The following SUGCT variants were observed in gnomAD, a reference collection of about 807,000 sequenced individuals.
The protein encoded by SUGCT is succinyl-CoA:glutarate CoA-transferase.
SUGCT carries 41 observed loss-of-function variants against 55.0 expected under a neutral mutation model. That is an observed-to-expected ratio of 0.74 (90% confidence interval 0.58 to 0.97). SUGCT has a LOEUF of 0.97. Among genes scored for constraint, SUGCT ranks in the 50% least tolerant of loss-of-function variants. The pLI, the probability that SUGCT is intolerant of heterozygous loss-of-function variation, is 0.00. For missense variants in SUGCT, 568 were observed against 547.8 expected (o/e 1.04, Z -0.37); for synonymous variants, 187 against 200.4 (o/e 0.93, Z 0.56).
chr7:40,541,034 G>A (rs1264704075), intron 12 of SUGCT, among the ~76,000 whole-genome samples: 1 of 152,136 alleles, frequency 6.6e-6, no homozygotes, highest in Non-Finnish European at 1.5e-5. Flanking sequence ...GTGCAAAAAT[G>A]AAGGAAAAAT....
the SUGCT span, among the ~76,000 whole-genome samples, chr7:41,011,181 C>T: frequency 1.6e-4 from 25 of 152,230 alleles, no homozygotes; most frequent in Non-Finnish European, 2.5e-4. Context: ...GTGGAATTCC[C>T]TCTGGAGAGG....
At chr7:40,802,360 T>C (rs1563013965) in intron 13 of SUGCT, among the ~76,000 whole-genome samples, 1 of 151,956 alleles carries the variant, frequency 6.6e-6, no homozygotes, top group Non-Finnish European at 1.5e-5. Flanking sequence ...CACCTTCAAG[T>C]TGTCTTCTTG....
chr7:41,030,582 A>G, the SUGCT span, among the ~76,000 whole-genome samples: 61 of 152,204 alleles, frequency 4.0e-4, no homozygotes, highest in African/African-American at 1.4e-3. Context: ...AAATTTTAAG[A>G]TTAGATTTCC....
intron 12 of SUGCT, among the ~76,000 whole-genome samples, chr7:40,620,647 T>C (rs924026909): frequency 7.2e-5 from 11 of 152,004 alleles, no homozygotes; most frequent in African/African-American, 2.7e-4. Flanking sequence ...AGGTGATCCA[T>C]CCACCTGAGC....
intron 12 of SUGCT, among the ~76,000 whole-genome samples, chr7:40,615,616 C>G (rs544694832): frequency 1.3e-5 from 2 of 152,250 alleles, no homozygotes; most frequent in South Asian, 4.1e-4. Flanking sequence ...ATCTGCTGTT[C>G]AGTGGAGAAG....
chr7:40,308,343 A>G (rs928778677), intron 8 of SUGCT, among the ~76,000 whole-genome samples: 1 of 152,146 alleles, frequency 6.6e-6, no homozygotes, highest in African/African-American at 2.4e-5. Flanking sequence ...TTCGTCAACT[A>G]TGAGACCTAG....
chr7:40,307,075 G>C (rs1290575939), intron 8 of SUGCT, among the ~76,000 whole-genome samples: 1 of 152,152 alleles, frequency 6.6e-6, no homozygotes, highest in Admixed American at 6.5e-5. Flanking sequence ...CTTTCATTAA[G>C]TTAAAAAATG....
At chr7:40,984,700 A>G in the SUGCT span, among the ~76,000 whole-genome samples, 1 of 152,216 alleles carries the variant, frequency 6.6e-6, no homozygotes, top group Admixed American at 6.5e-5. Context: ...TTACAATGGC[A>G]TTGAGTGTGT....
chr7:40,917,787 T>C, the SUGCT span, among the ~76,000 whole-genome samples: 1 of 152,118 alleles, frequency 6.6e-6, no homozygotes, highest in African/African-American at 2.4e-5. Context: ...CCTCAGATGG[T>C]AGAGAGAAGA....
chr7:40,939,781 T>C, the SUGCT span, among the ~76,000 whole-genome samples: 2 of 152,140 alleles, frequency 1.3e-5, no homozygotes, highest in Non-Finnish European at 2.9e-5. Flanking sequence ...TGGATATTAG[T>C]CCTTTTTTGG....
intron 1 of SUGCT, among the ~76,000 whole-genome samples, chr7:40,156,446 G>A (rs1783901608): frequency 6.6e-6 from 1 of 152,110 alleles, no homozygotes; most frequent in Admixed American, 6.5e-5. Context: ...CTGGGCGACA[G>A]AGTGAGACTC....
chr7:40,614,351 A>G (rs1413741929), intron 12 of SUGCT, among the ~76,000 whole-genome samples: 1 of 152,228 alleles, frequency 6.6e-6, no homozygotes, highest in Non-Finnish European at 1.5e-5. Flanking sequence ...AACCACCAGC[A>G]CATACAATGT....
At chr7:40,470,208 A>G (rs1790334710) in intron 11 of SUGCT, among the ~76,000 whole-genome samples, 1 of 151,616 alleles carries the variant, frequency 6.6e-6, no homozygotes, top group Admixed American at 6.6e-5. Context: ...TGCTCCTCGG[A>G]CTCCCTGACT....
Position 40,350,041 on chromosome 7 carries a change from C to T in SUGCT, c.816+33186C>T, listed in dbSNP as rs189162391. Among the ~76,000 whole-genome samples, 292 of 152,066 alleles carry T rather than the reference C, an allele frequency of 1.9e-3. 11 individuals are homozygous for T. The South Asian group carries it at 0.057, about 30-fold the overall frequency. On this transcript the variant is annotated intron_variant, in intron 9 of 13. Coordinates refer to ENST00000335693, the MANE Select transcript of SUGCT (RefSeq NM_001193313.2). ...TTTACCTGTATGAGTTATCAGTGGA[C>T]CTCTGGTGATTTCATTTATTTTGGT...
chr7:40,487,411 C>G (rs551696037), intron 11 of SUGCT, among the ~76,000 whole-genome samples: 1 of 151,546 alleles, frequency 6.6e-6, no homozygotes, highest in Admixed American at 6.6e-5. Context: ...CTGGCTGAAT[C>G]TTAAATTTTT....
chr7:40,531,182 A>G (rs187680877), intron 12 of SUGCT, among the ~76,000 whole-genome samples: 1 of 152,192 alleles, frequency 6.6e-6, no homozygotes, highest in African/African-American at 2.4e-5. Flanking sequence ...AGAACATAAG[A>G]TGCACATGGA....
At chr7:40,733,898 A>G (rs1468135289) in intron 12 of SUGCT, among the ~76,000 whole-genome samples, 1 of 152,240 alleles carries the variant, frequency 6.6e-6, no homozygotes, top group African/African-American at 2.4e-5. Context: ...CTATCATACT[A>G]TATCAAGAGT....
chr7:40,235,693 T>C (rs1788974751), intron 6 of SUGCT, among the ~76,000 whole-genome samples: 1 of 152,226 alleles, frequency 6.6e-6, no homozygotes, highest in Admixed American at 6.5e-5. Flanking sequence ...TATTGAACAC[T>C]GTTCTAGAGG....
chr7:40,148,705 T>C (rs1788393737), intron 1 of SUGCT, among the ~76,000 whole-genome samples: 1 of 152,128 alleles, frequency 6.6e-6, no homozygotes, highest in South Asian at 2.1e-4. Context: ...TGATGAGGTT[T>C]ATGAGCTCCT....
Sources: allele counts gnomAD v4.1 joint callset (sites outside exome capture counted in the v4.1 genomes callset), GRCh38; gene constraint gnomAD v4.1.1; transcripts MANE v1.5; gene names NCBI Gene and HGNC (gene_info 2026-07-23, HGNC 2026-07-21).